The following RTN4RL1 variants were observed in gnomAD, a reference collection of about 807,000 sequenced individuals.
RTN4RL1 encodes the protein reticulon-4 receptor-like 1.
Under a neutral mutation model 25.6 loss-of-function variants are expected in RTN4RL1, and 7 were observed. The observed-to-expected ratio is 0.27, with a 90% CI of 0.16 to 0.51. The LOEUF is 0.51. Among genes scored for constraint, RTN4RL1 ranks in the 20% least tolerant of loss-of-function variants. The probability of loss-of-function intolerance (pLI) is 0.97; values close to 1 mark genes in which losing one functional copy is unlikely to be tolerated. For missense variants in RTN4RL1, 500 were observed against 615.6 expected (o/e 0.81, Z 1.99); for synonymous variants, 297 against 288.2 (o/e 1.03, Z -0.31).
intron 1 of RTN4RL1, among the ~76,000 whole-genome samples, chr17:1,945,369 C>G (rs907065778): frequency 1.3e-5 from 2 of 152,118 alleles, no homozygotes. Flanking sequence ...ATTACAGGTG[C>G]CCGCCACCAT....
intron 1 of RTN4RL1, among the ~76,000 whole-genome samples, chr17:1,938,810 G>A (rs1025289721): frequency 1.8e-4 from 28 of 151,954 alleles, no homozygotes; most frequent in African/African-American, 6.7e-4. Context: ...CAACACTTTG[G>A]GAAGCCGAGG....
intron 1 of RTN4RL1, among the ~76,000 whole-genome samples, chr17:1,960,987 A>G (rs1190739216): frequency 6.6e-6 from 1 of 151,962 alleles, no homozygotes; most frequent in Admixed American, 6.6e-5. Context: ...AGCCCTATTT[A>G]TTTCCCTTTC....
In RTN4RL1 at chr17:1,937,088, C is replaced by G; in HGVS notation, c.734G>C (p.Gly245Ala). 1 of 1,606,452 alleles carries G rather than the reference C, an allele frequency of 6.2e-7. No homozygotes were observed. Among genetic ancestry groups the G allele is most frequent in the Non-Finnish European group, 8.5e-7 (1 of 1,177,584 alleles). Residue 245 changes from glycine (G) to alanine (A), a missense_variant, in exon 2 of 2, where the codon GGG becomes GCG. This residue lies in a region of RTN4RL1 where 232 missense variants were observed against 341.1 expected (regional missense o/e 0.68). Coordinates refer to ENST00000331238, the MANE Select transcript of RTN4RL1 (RefSeq NM_178568.4). ...GTTGAGGCGGAGGAACTCCAGGGCC[C>G]CCAGCGGGGCCAGGCACTCACCCTG... ...ELQGECLAPLGALEFLRLNGN... is the reference protein window; with the variant it reads ...ELQGECLAPLAALEFLRLNGN...
In RTN4RL1 at chr17:1,936,826, G is replaced by T. The variant is rs758592840; in HGVS notation, c.996C>A (p.Pro332=). The change falls in exon 2 of 2, where the codon CCC becomes CCA. Residue 332 remains proline, a synonymous_variant. Coordinates refer to ENST00000331238, the MANE Select transcript of RTN4RL1 (RefSeq NM_178568.4). ...GGCCCTTGCTCCTGGTGGGGCCGTG[G>T]GGTGAGTGGTGTTCCTTGCGGGCGG... ...DRAARKEHHS[P]HGPTRSKGHP... 6.3e-7 allele frequency: 1 copy of T among 1,583,644 alleles called. No homozygotes were observed. Among genetic ancestry groups the T allele is most frequent in the Non-Finnish European group, 8.6e-7 (1 of 1,166,522 alleles).
At chr17:1,960,938 C>T (rs1318119742) in intron 1 of RTN4RL1, among the ~76,000 whole-genome samples, 2 of 152,196 alleles carry the variant, frequency 1.3e-5, no homozygotes, top group Non-Finnish European at 2.9e-5. Flanking sequence ...ATGCCCACGG[C>T]CCCTCTGCTC....
chr17:1,940,734 A>T (rs1956655470), intron 1 of RTN4RL1, among the ~76,000 whole-genome samples: 1 of 150,382 alleles, frequency 6.6e-6, no homozygotes, highest in Non-Finnish European at 1.5e-5. Flanking sequence ...CACACTCCTC[A>T]CCCCTCCTCG....
intron 1 of RTN4RL1, among the ~76,000 whole-genome samples, chr17:1,972,307 AAAAT>A (rs1226423983): frequency 1.1e-4 from 15 of 137,068 alleles, no homozygotes; most frequent in Admixed American, 2.4e-4. Context: ...CTCGGTCTCA[AAAAT>A]AAATAAATAA....
At chr17:1,984,037 C>T (rs186494471) in intron 1 of RTN4RL1, among the ~76,000 whole-genome samples, 2 of 152,338 alleles carry the variant, frequency 1.3e-5, no homozygotes, top group Admixed American at 1.3e-4. Context: ...TGTCTCAAGG[C>T]CAGCTGTATA....
Position 2,009,851 on chromosome 17 carries a change from G to A in RTN4RL1, c.13+15002C>T, listed in dbSNP as rs2067030737. ...CAAAGGAATCTCAAACCACTCCACA[G>A]GCCACAACACAGAATGCCGGCCCTG... On this transcript the variant is annotated intron_variant, in intron 1 of 1. Coordinates refer to ENST00000331238, the MANE Select transcript of RTN4RL1 (RefSeq NM_178568.4). Among the ~76,000 whole-genome samples the A allele has an allele frequency of 1.6e-5, 2 of 128,198 alleles. 1 individual carries two copies. The highest frequency in any genetic ancestry group is 3.3e-5 in the Non-Finnish European group (2 of 61,016). 84.1% of individuals were successfully genotyped at this position (128,198 alleles called of 152,430 possible).
chr17:1,955,574 GTTA>G (rs1915774017), intron 1 of RTN4RL1, among the ~76,000 whole-genome samples: 1 of 148,680 alleles, frequency 6.7e-6, no homozygotes, highest in South Asian at 2.1e-4. Flanking sequence ...AATAATAATA[GTTA>G]TTATTATTAC....
intron 1 of RTN4RL1, among the ~76,000 whole-genome samples, chr17:2,003,868 C>T (rs1597238068): frequency 1.3e-5 from 2 of 150,350 alleles, no homozygotes; most frequent in South Asian, 4.2e-4. Flanking sequence ...GTTAGGAGTT[C>T]GAGACCAGCC....
chr17:1,953,625 C>T (rs1164962731), intron 1 of RTN4RL1, among the ~76,000 whole-genome samples: 2 of 151,998 alleles, frequency 1.3e-5, no homozygotes, highest in Non-Finnish European at 2.9e-5. Flanking sequence ...AGTGCAGTGG[C>T]GTGATCTCGG....
intron 1 of RTN4RL1, among the ~76,000 whole-genome samples, chr17:1,959,721 C>A (rs529250481): frequency 6.6e-6 from 1 of 152,140 alleles, no homozygotes; most frequent in African/African-American, 2.4e-5. Flanking sequence ...CCCGCCACCA[C>A]GCCCAGCTAA....
intron 1 of RTN4RL1, among the ~76,000 whole-genome samples, chr17:2,000,406 G>A (rs1250986688): frequency 6.6e-6 from 1 of 152,080 alleles, no homozygotes; most frequent in African/African-American, 2.4e-5. Flanking sequence ...GGAGTGCAGC[G>A]GCATGGTCTC....
At chr17:1,962,891 G>A (rs1361049872) in intron 1 of RTN4RL1, among the ~76,000 whole-genome samples, 1 of 149,146 alleles carries the variant, frequency 6.7e-6, no homozygotes, top group Non-Finnish European at 1.5e-5. Context: ...AGAGATGTGG[G>A]AAGGTAGGGA....
chr17:1,973,814 G>A lies in RTN4RL1; in HGVS notation c.14-36006C>T, dbSNP rs556716628. On this transcript the variant is annotated intron_variant, in intron 1 of 1. Transcript: ENST00000331238. ...AGCACTTTGGGAGGCCGAGACAGGC[G>A]GATCACCTGAGGTCAGGAGTTTGAA... is the stretch of plus-strand genomic sequence containing the variant. Among the ~76,000 whole-genome samples the A allele has an allele frequency of 1.2e-3, 189 of 152,206 alleles. 1 individual carries two copies. The highest frequency in any genetic ancestry group is 4.2e-3 in the African/African-American group (176 of 41,534).
intron 1 of RTN4RL1, among the ~76,000 whole-genome samples, chr17:1,942,291 C>T (rs1458162564): frequency 6.6e-5 from 10 of 152,146 alleles, no homozygotes; most frequent in Non-Finnish European, 1.5e-5. Context: ...TTCATTCCCT[C>T]CTCCATTCAA....
intron 1 of RTN4RL1, among the ~76,000 whole-genome samples, chr17:1,952,631 C>A (rs1915708184): frequency 6.6e-6 from 1 of 151,604 alleles, no homozygotes; most frequent in Admixed American, 6.6e-5. Flanking sequence ...GCGTGAGCCA[C>A]CACACCCGGC....
chr17:1,964,667 G>A lies in RTN4RL1; in HGVS notation c.14-26859C>T, dbSNP rs557401231. On this transcript the variant is annotated intron_variant, in intron 1 of 1. Coordinates refer to ENST00000331238, the MANE Select transcript of RTN4RL1 (RefSeq NM_178568.4). ...GAATGGCGTGAACCTGGGAGGCGGA[G>A]CTTGCAGTGAGCCGAGATCACACCA... Among the ~76,000 whole-genome samples the A allele has an allele frequency of 2.5e-4, 38 of 151,368 alleles. No homozygotes were observed. In the South Asian group the frequency reaches 7.6e-3, roughly 30 times the overall value.
Sources: allele counts gnomAD v4.1 joint callset (sites outside exome capture counted in the v4.1 genomes callset), GRCh38; gene constraint gnomAD v4.1.1; regional missense constraint gnomAD v4.1.1; transcripts MANE v1.5; gene names NCBI Gene and HGNC (gene_info 2026-07-23, HGNC 2026-07-21).